Variants in BAZ2A observed in about 807,000 individuals in gnomAD.
BAZ2A encodes the protein bromodomain adjacent to zinc finger domain protein 2A.
BAZ2A carries 34 observed loss-of-function variants against 199.9 expected under a neutral mutation model. The observed-to-expected ratio is 0.17, with a 90% CI of 0.13 to 0.23. BAZ2A has a LOEUF of 0.23. BAZ2A is among the 10% of genes least tolerant of loss of function. BAZ2A has a pLI of 1.00. For synonymous variants in BAZ2A, 857 were observed against 883.9 expected (o/e 0.97, Z 0.54); for missense variants, 2,002 against 2,391.1 (o/e 0.84, Z 3.39).
chr12:56,611,738 A>C (rs1367703580), intron 6 of BAZ2A, 35 bp downstream of exon 6: 36 of 1,517,512 alleles, frequency 2.4e-5, no homozygotes, highest in Non-Finnish European at 3.2e-5. Context: ...GTTTCTTGGA[A>C]CCAGACAGGG....
At chr12:56,607,434 C>T (rs1328298287) in intron 10 of BAZ2A, among the ~76,000 whole-genome samples, 1 of 152,186 alleles carries the variant, frequency 6.6e-6, no homozygotes, top group Non-Finnish European at 1.5e-5. Flanking sequence ...TGCAATGGCA[C>T]AATCTCGGCT....
chr12:56,610,902 A>C (rs1950539144), intron 7 of BAZ2A, among the ~76,000 whole-genome samples: 1 of 152,196 alleles, frequency 6.6e-6, no homozygotes, highest in South Asian at 2.1e-4. Context: ...AGGCAAGCAG[A>C]AAAATAAATT....
intron 1 of BAZ2A, among the ~76,000 whole-genome samples, chr12:56,628,654 TC>T (rs1951191046): frequency 6.6e-6 from 1 of 152,110 alleles, no homozygotes; most frequent in African/African-American, 2.4e-5. Context: ...GACACACAAA[TC>T]CATCTAATAG....
intron 10 of BAZ2A, 129 bp downstream of exon 10, chr12:56,609,607 C>A: frequency 9.5e-7 from 1 of 1,057,186 alleles, no homozygotes; most frequent in Non-Finnish European, 1.4e-6. Context: ...CAAGGAGAAG[C>A]TGATTCAGAT....
chr12:56,609,864 T>C lies in BAZ2A; in HGVS notation c.1964A>G (p.Asn655Ser). ...AITGKRGRPR[N>S]TEKAKTKEVP... ...TTCCTTAGTCTTAGCCTTCTCAGTG[T>C]TTCGAGGTCGACCCCGTTTGCCAGT... Residue 655 changes from asparagine to serine, a missense_variant, in exon 10 of 29, where the codon AAC (asparagine) becomes AGC (serine). Physicochemically the swap from Asn to Ser is conservative, Grantham distance 46. Around this residue, in one of 6 missense-constraint regions of BAZ2A, gnomAD observed 74 missense variants for 126.1 expected, o/e 0.59. Transcript: ENST00000549884. 1 of 1,613,640 alleles carries C rather than the reference T, an allele frequency of 6.2e-7. No individual in the cohort carries two copies. The highest frequency in any genetic ancestry group is 8.5e-7 in the Non-Finnish European group (1 of 1,179,804).
rs1365241165 is a variant in BAZ2A at position 56,599,929 on chromosome 12, CCCCTCAGCCTCTCCAGGCT to C, written c.5025+16_5025+34del. Reference sequence around the variant, plus strand: ...ACCCCACCCCGCCCCTGCTGGCTGGCCCCTCAGCCTCTCCAGGCTCTCTCAGCCTCTTACCACTTTGTTG... The same window carrying C: ...ACCCCACCCCGCCCCTGCTGGCTGGCCTCTCAGCCTCTTACCACTTTGTTG... On this transcript the variant is annotated intron_variant, in intron 25 of 28. Transcript: ENST00000549884. The C allele has an allele frequency of 1.9e-6, 3 of 1,613,170 alleles. No homozygotes were observed. The highest frequency in any genetic ancestry group is 2.5e-6 in the Non-Finnish European group (3 of 1,179,160).
At position 56,598,527 on chromosome 12, in the gene BAZ2A, G is replaced by T. The variant is rs1278497399; in HGVS notation, c.*91C>A. On this transcript the variant is annotated 3_prime_UTR_variant, in exon 29 of 29. Transcript: ENST00000549884. Reference sequence around the variant, plus strand: ...CAGGGTTGTATCTGACTTGAGTCTGGACCCAGGGCAGCATCAGCAGGTGAA... The same window carrying T: ...CAGGGTTGTATCTGACTTGAGTCTGTACCCAGGGCAGCATCAGCAGGTGAA... 2.0e-6 allele frequency: 3 copies of T among 1,479,916 alleles called. No homozygotes were observed. Among genetic ancestry groups the T allele is most frequent in the Admixed American group, 2.1e-5 (1 of 48,590 alleles). 91.7% of individuals were successfully genotyped at this position (1,479,916 alleles called of 1,614,324 possible). A position where few individuals can be genotyped will look rare whatever the true frequency, so the allele number is the denominator to read the frequency against.
chr12:56,600,569 A>C, intron 23 of BAZ2A, 79 bp from the exon 24 acceptor site: 1 of 1,571,660 alleles, frequency 6.4e-7, no homozygotes, highest in Non-Finnish European at 8.6e-7. Flanking sequence ...CAAAAACAAG[A>C]CCCACTTAAG....
At chr12:56,622,780 T>C (rs1012361035) in intron 1 of BAZ2A, among the ~76,000 whole-genome samples, 3 of 152,202 alleles carry the variant, frequency 2.0e-5, no homozygotes, top group African/African-American at 7.2e-5. Flanking sequence ...CAGCTATACA[T>C]AAATGGATCT....
Position 56,601,113 on chromosome 12 carries a change from GAT to G in BAZ2A, c.4295-17_4295-16del. ...TGAGCACATCTCTGTGAGCAGATGA[GAT>G]ATATGTGGGGCGCCAGCTGTGAAGC... is the stretch of plus-strand genomic sequence containing the variant. On this transcript the variant is annotated splice_polypyrimidine_tract_variant and intron_variant, in intron 21 of 28. Transcript: ENST00000549884. The G allele has an allele frequency of 3.7e-6, 6 of 1,613,772 alleles. No individual in the cohort carries two copies. Among genetic ancestry groups the G allele is most frequent in the Non-Finnish European group, 5.1e-6 (6 of 1,179,774 alleles).
chr12:56,608,867 C>CTTTTT (rs67765071), intron 10 of BAZ2A, among the ~76,000 whole-genome samples: 21 of 69,904 alleles, frequency 3.0e-4, no homozygotes, highest in South Asian at 4.7e-4. Context: ...CCGTGCCTGG[C>CTTTTT]TTTTTTTTTT....
chr12:56,613,816 CTG>C, intron 4 of BAZ2A, 135 bp downstream of exon 4: 1 of 830,996 alleles, frequency 1.2e-6, no homozygotes, highest in Non-Finnish European at 1.8e-6. Context: ...TGGCATGTAA[CTG>C]TGGTCTGCCT....
Position 56,625,146 on chromosome 12 carries a change from T to C in BAZ2A, c.-3+4979A>G, listed in dbSNP as rs543880917. Among the ~76,000 whole-genome samples, 5 of 149,156 alleles carry C rather than the reference T, an allele frequency of 3.4e-5. No individual in the cohort carries two copies. In the South Asian group the frequency reaches 1.0e-3, roughly 31 times the overall value. On this transcript the variant is annotated intron_variant, in intron 1 of 28. Coordinates refer to ENST00000549884, the MANE Select transcript of BAZ2A (RefSeq NM_001300905.2). ...CCCTCTTTCAGCTCTGATTGTTTCTTAGAATTTCTTTTTTTTTTTTTTTTT... is the reference window on the plus strand; with the variant it reads ...CCCTCTTTCAGCTCTGATTGTTTCTCAGAATTTCTTTTTTTTTTTTTTTTT...
At chr12:56,606,586 T>C (rs756653150) in intron 11 of BAZ2A, 47 bp downstream of exon 11, 9 of 1,533,768 alleles carry the variant, frequency 5.9e-6, no homozygotes, top group Admixed American at 3.3e-5. Flanking sequence ...ATGAAGTAAG[T>C]TGTAGGAAAA....
upstream of BAZ2A, among the ~76,000 whole-genome samples, chr12:56,632,438 G>A (rs1951338532): frequency 6.6e-6 from 1 of 152,132 alleles, no homozygotes; most frequent in Non-Finnish European, 1.5e-5. Flanking sequence ...GGACTGGGCA[G>A]GCAGGGGAGG....
Position 56,601,339 on chromosome 12 carries a change from C to T in BAZ2A, c.4135G>A (p.Gly1379Arg). 2 of 1,614,020 alleles carry T rather than the reference C, an allele frequency of 1.2e-6. No individual in the cohort carries two copies. The highest frequency in any genetic ancestry group is 2.7e-5 in the African/African-American group (2 of 75,072). Residue 1379 changes from glycine (G) to arginine (R), a missense_variant, in exon 21 of 29, where the codon GGG becomes AGG. Gly to Arg is a moderately radical substitution (Grantham distance 125, BLOSUM62 -2). This residue lies in a region of BAZ2A where 1,081 missense variants were observed against 1,274.7 expected (regional missense o/e 0.85). Coordinates refer to ENST00000549884, the MANE Select transcript of BAZ2A (RefSeq NM_001300905.2). ...PVQFSSTPLAGLAPKRRAGDP... is the reference protein window; with the variant it reads ...PVQFSSTPLARLAPKRRAGDP... ...CCTGCTCGCCTCTTAGGGGCCAACC[C>T]AGCCAAGGGCGTGGAAGAGAACTGC... is the stretch of plus-strand genomic sequence containing the variant.
intron 1 of BAZ2A, among the ~76,000 whole-genome samples, chr12:56,624,382 G>A (rs976254683): frequency 6.6e-6 from 1 of 152,166 alleles, no homozygotes; most frequent in East Asian, 1.9e-4. Flanking sequence ...AAAGATGACT[G>A]TTCTCTGTCC....
chr12:56,625,767 A>G (rs937521026), intron 1 of BAZ2A, among the ~76,000 whole-genome samples: 29 of 150,412 alleles, frequency 1.9e-4, no homozygotes, highest in African/African-American at 7.1e-4. Flanking sequence ...TCCCAGCTAC[A>G]CGGGAGGCTG....
chr12:56,605,399 G>A (rs1950312774), intron 13 of BAZ2A, 72 bp from the exon 14 acceptor site: 2 of 1,411,302 alleles, frequency 1.4e-6, no homozygotes, highest in Non-Finnish European at 9.4e-7. Context: ...GTCTACAAGA[G>A]GTTCTTCCTT....
Sources: gnomAD v4.1 joint callset for allele counts (sites outside exome capture counted in the v4.1 genomes callset) on GRCh38, gnomAD v4.1.1 for gene constraint, gnomAD v4.1.1 regional missense constraint, MANE v1.5 for transcripts, NCBI Gene and HGNC (gene_info 2026-07-23, HGNC 2026-07-21) for gene names.